Variants in NALCN observed in about 807,000 individuals in gnomAD.
NALCN encodes sodium leak channel, non-selective.
Under a neutral mutation model 225.3 loss-of-function variants are expected in NALCN, and 111 were observed. The ratio of observed to expected loss-of-function variants is 0.49; its 90% CI spans 0.42 to 0.58. The LOEUF (loss-of-function observed/expected upper bound fraction) is 0.58. NALCN is among the 20% of genes least tolerant of loss of function. NALCN has a pLI of 0.00. For synonymous variants in NALCN, 764 were observed against 769.0 expected (o/e 0.99, Z 0.11); for missense variants, 1,378 against 2,202.4 (o/e 0.63, Z 7.49).
intron 6 of NALCN, among the ~76,000 whole-genome samples, chr13:101,372,124 T>A (rs1360720713): frequency 1.3e-5 from 2 of 152,146 alleles, no homozygotes; most frequent in Non-Finnish European, 2.9e-5. Flanking sequence ...TCAAAATTCA[T>A]GACGATAAAA....
intron 30 of NALCN, among the ~76,000 whole-genome samples, chr13:101,085,393 G>A (rs1290795830): frequency 1.3e-5 from 2 of 152,192 alleles, no homozygotes; most frequent in Admixed American, 6.5e-5. Flanking sequence ...CTAGGGGTGG[G>A]GAGGGGAACT....
chr13:101,254,106 G>C (rs375155487), intron 11 of NALCN, among the ~76,000 whole-genome samples: 2 of 152,088 alleles, frequency 1.3e-5, no homozygotes, highest in South Asian at 2.1e-4. Context: ...GGAACGGCCA[G>C]GAGTGATGGC....
chr13:101,250,684 G>GA (rs1016023998), intron 11 of NALCN, among the ~76,000 whole-genome samples: 4 of 151,826 alleles, frequency 2.6e-5, no homozygotes, highest in African/African-American at 9.7e-5. Context: ...GTATAGATAA[G>GA]ACACAAAAAG....
intron 7 of NALCN, among the ~76,000 whole-genome samples, chr13:101,330,254 C>T (rs751551820): frequency 1.2e-4 from 18 of 151,944 alleles, no homozygotes; most frequent in Non-Finnish European, 1.5e-4. Flanking sequence ...AACTATCCAG[C>T]GGTCAGAGAG....
chr13:101,365,871 C>T (rs1337121996), intron 6 of NALCN, among the ~76,000 whole-genome samples: 2 of 152,098 alleles, frequency 1.3e-5, no homozygotes, highest in Non-Finnish European at 2.9e-5. Context: ...CTATATTAAA[C>T]TTTCATATAT....
chr13:101,325,771 G>A (rs777250653), intron 7 of NALCN, among the ~76,000 whole-genome samples: 3 of 152,130 alleles, frequency 2.0e-5, no homozygotes, highest in African/African-American at 4.8e-5. Context: ...GAGACAAGAT[G>A]GTAAGAATAT....
At chr13:101,122,471 G>C (rs919382937) in intron 18 of NALCN, among the ~76,000 whole-genome samples, 1 of 152,108 alleles carries the variant, frequency 6.6e-6, no homozygotes, top group Non-Finnish European at 1.5e-5. Flanking sequence ...TGTTAGGCAA[G>C]TTAGAGGTGT....
intron 26 of NALCN, among the ~76,000 whole-genome samples, chr13:101,101,281 CTTTTTTTTTTTT>C (rs60948311): frequency 2.7e-5 from 3 of 112,376 alleles, no homozygotes; most frequent in East Asian, 2.5e-4. Context: ...ATTTTTTTTT[CTTTTTTTTTTTT>C]TTTTTGAGAT....
intron 14 of NALCN, among the ~76,000 whole-genome samples, chr13:101,181,913 C>G (rs2039244640): frequency 6.6e-6 from 1 of 152,042 alleles, no homozygotes; most frequent in Admixed American, 6.6e-5. Flanking sequence ...GCCGGCAGAT[C>G]ACGAGGTCAG....
intron 15 of NALCN, among the ~76,000 whole-genome samples, chr13:101,175,985 G>C (rs141438417): frequency 6.6e-6 from 1 of 152,154 alleles, no homozygotes; most frequent in African/African-American, 2.4e-5. Flanking sequence ...ATCTGGCCTT[G>C]AGGCATCTCA....
intron 9 of NALCN, 62 bp downstream of exon 9, chr13:101,291,928 T>C: frequency 6.6e-7 from 1 of 1,514,956 alleles, no homozygotes; most frequent in Non-Finnish European, 9.1e-7. Flanking sequence ...GGTCCACTGA[T>C]GGTGAGGGTG....
chr13:101,150,585 C>A (rs975873664), intron 15 of NALCN, among the ~76,000 whole-genome samples: 4 of 152,072 alleles, frequency 2.6e-5, no homozygotes, highest in Admixed American at 2.0e-4. Context: ...CCATGATACA[C>A]AAAGTATTAC....
At chr13:101,246,340 A>G (rs1300967224) in intron 11 of NALCN, among the ~76,000 whole-genome samples, 4 of 152,166 alleles carry the variant, frequency 2.6e-5, no homozygotes, top group African/African-American at 9.7e-5. Flanking sequence ...ATCATGATGG[A>G]TATCATGAGA....
At chr13:101,238,323 A>C (rs904711784) in intron 11 of NALCN, among the ~76,000 whole-genome samples, 8 of 151,962 alleles carry the variant, frequency 5.3e-5, no homozygotes, top group Admixed American at 3.3e-4. Flanking sequence ...CTTACATATT[A>C]TTAACCTAAT....
At chr13:101,101,286 T>TTC (rs1555381302) in intron 26 of NALCN, among the ~76,000 whole-genome samples, 3 of 141,340 alleles carry the variant, frequency 2.1e-5, no homozygotes, top group African/African-American at 5.2e-5. Context: ...TTTTTCTTTT[T>TTC]TTTTTTTTTT....
In NALCN at chr13:101,240,288, G is replaced by T. The variant is rs552488802; in HGVS notation, c.1267-2366C>A. ...CCTATTTATTTGAACTGTATTTTAC[G>T]TTCTTTAATAAGTTTTTTCCATATA... On this transcript the variant is annotated intron_variant, in intron 11 of 43. Coordinates refer to ENST00000251127, the MANE Select transcript of NALCN (RefSeq NM_052867.4). 2.2e-3 allele frequency among the ~76,000 whole-genome samples: 333 copies of T among 151,466 alleles called. 2 individuals are homozygous for T. Among genetic ancestry groups the T allele is most frequent in the African/African-American group, 7.8e-3 (321 of 41,364 alleles).
chr13:101,086,230 T>A (rs1566797320), intron 30 of NALCN, among the ~76,000 whole-genome samples: 1 of 152,014 alleles, frequency 6.6e-6, no homozygotes, highest in Admixed American at 6.6e-5. Context: ...CCTACTTTAT[T>A]TGATTTTACT....
intron 15 of NALCN, among the ~76,000 whole-genome samples, chr13:101,156,130 C>G (rs2139844202): frequency 6.6e-6 from 1 of 152,234 alleles, no homozygotes; most frequent in South Asian, 2.1e-4. Context: ...ACTGGGGGCA[C>G]TTTCAGTCGG....
At chr13:101,199,794 T>C (rs986077189) in intron 13 of NALCN, among the ~76,000 whole-genome samples, 4 of 151,916 alleles carry the variant, frequency 2.6e-5, no homozygotes, top group Non-Finnish European at 4.4e-5. Flanking sequence ...ACTTAGAGTA[T>C]AAATAAATAT....
Sources: gnomAD v4.1 joint callset for allele counts (sites outside exome capture counted in the v4.1 genomes callset) on GRCh38, gnomAD v4.1.1 for gene constraint, MANE v1.5 for transcripts, NCBI Gene and HGNC (gene_info 2026-07-23, HGNC 2026-07-21) for gene names.